The following NT5C2 variants were observed in gnomAD, a reference collection of about 807,000 sequenced individuals.
NT5C2 encodes 5'-nucleotidase, cytosolic II.
A neutral mutation model predicts 76.1 loss-of-function variants in NT5C2; 58 were observed. The ratio of observed to expected loss-of-function variants is 0.76; its 90% CI spans 0.62 to 0.95. The LOEUF is 0.95. NT5C2 is among the 40% of genes least tolerant of loss of function. The pLI is 0.00. For synonymous variants in NT5C2, 229 were observed against 237.4 expected, an observed-to-expected ratio of 0.96 and a Z score of 0.32; for missense variants, 478 against 690.3, an observed-to-expected ratio of 0.69 and a Z score of 3.45.
At chr10:103,093,103 G>A in intron 15 of NT5C2, 36 bp downstream of exon 15, 4 of 1,480,452 alleles carry the variant, frequency 2.7e-6, no homozygotes, top group South Asian at 1.5e-5. Flanking sequence ...TGGTCATTTA[G>A]ATATAAATTA....
rs548288077 is a variant in NT5C2, at chr10:103,159,588, A to G, written c.101+15270T>C. Among the ~76,000 whole-genome samples the G allele has an allele frequency of 4.6e-5, 7 of 151,796 alleles. No individual in the cohort carries two copies. The East Asian group carries it at 1.4e-3, about 29-fold the overall frequency. On this transcript the variant is annotated intron_variant, in intron 3 of 18. Transcript: ENST00000404739. ...CACGTGAAGCCAGGAGTTCAGGGTT[A>G]CAGTGAGCTATGATCATGTCACTGT...
chr10:103,118,564 GGCTGGTCCTGGACTCCTAGGTGCAA>G (rs2074942977), intron 4 of NT5C2, among the ~76,000 whole-genome samples: 1 of 151,946 alleles, frequency 6.6e-6, no homozygotes, highest in East Asian at 1.9e-4. Context: ...ATGTTGCTCA[GGCTGGTCCTGGACTCCTAGGTGCAA>G]GCAATCCATC....
Position 103,143,620 on chromosome 10 carries a change from T to G in NT5C2, c.102-4141A>C, listed in dbSNP as rs1280167574. 8.5e-5 allele frequency among the ~76,000 whole-genome samples: 12 copies of G among 141,222 alleles called. No individual in the cohort carries two copies. In the South Asian group the frequency reaches 1.2e-3, roughly 14 times the overall value. 92.6% of individuals were successfully genotyped at this position (141,222 alleles called of 152,430 possible). ...TCCAGCTATTTTTTTTTTTTTTTTT[T>G]TTTTTTTTTTTTGTAGAGATGGCCT... is the stretch of plus-strand genomic sequence containing the variant. On this transcript the variant is annotated intron_variant, in intron 3 of 18. Transcript: ENST00000404739.
At chr10:103,097,982 C>G in intron 10 of NT5C2, 2 of 516,814 alleles carry the variant, frequency 3.9e-6, no homozygotes, top group Non-Finnish European at 7.8e-6. Context: ...ATTCAGTGTT[C>G]TTTCTTGAAA....
chr10:103,133,730 T>C (rs888988289), intron 4 of NT5C2, among the ~76,000 whole-genome samples: 12 of 152,128 alleles, frequency 7.9e-5, no homozygotes, highest in African/African-American at 2.9e-4. Flanking sequence ...TTAGAACAAT[T>C]TGGAGGGCTC....
intron 3 of NT5C2, chr10:103,146,244 G>A: frequency 1.0e-6 from 1 of 985,306 alleles, no homozygotes. Context: ...ACTTGTCATT[G>A]GATATCACTG....
intron 3 of NT5C2, among the ~76,000 whole-genome samples, chr10:103,159,829 C>A (rs1016771155): frequency 6.6e-6 from 1 of 152,156 alleles, no homozygotes; most frequent in Admixed American, 6.5e-5. Flanking sequence ...GACAGCAATA[C>A]TTCTCAAAGT....
intron 3 of NT5C2, among the ~76,000 whole-genome samples, chr10:103,172,784 G>T (rs1165748326): frequency 6.6e-6 from 1 of 152,184 alleles, no homozygotes; most frequent in Non-Finnish European, 1.5e-5. Flanking sequence ...GCAGTGAGCT[G>T]AGATCGCATC....
At chr10:103,147,421 T>C (rs949079360) in intron 3 of NT5C2, among the ~76,000 whole-genome samples, 1 of 152,356 alleles carries the variant, frequency 6.6e-6, no homozygotes, top group East Asian at 1.9e-4. Context: ...TTATCTCTAA[T>C]TATCAAGACC....
rs753295868 is a variant in NT5C2, at chr10:103,090,609, A to G, written c.1449+2T>C. On this transcript the variant is annotated splice_donor_variant, in intron 18 of 18. Coordinates refer to ENST00000404739, the MANE Select transcript of NT5C2 (RefSeq NM_001351169.2). LOFTEE classifies it high-confidence loss of function. ...TGGCTGTCCATTACAGCTTTAACTC[A>G]CCAAGACATGGGCAGCCCTGAAGAG... The G allele has an allele frequency of 1.9e-6, 3 of 1,612,256 alleles. No individual in the cohort carries two copies. Among genetic ancestry groups the G allele is most frequent in the Non-Finnish European group, 2.5e-6 (3 of 1,179,056 alleles).
chr10:103,163,417 G>A (rs1275622893), intron 3 of NT5C2, among the ~76,000 whole-genome samples: 1 of 152,072 alleles, frequency 6.6e-6, no homozygotes, highest in Admixed American at 6.6e-5. Context: ...AAGTTCCAGT[G>A]GCTCCACATC....
intron 4 of NT5C2, among the ~76,000 whole-genome samples, chr10:103,111,256 T>G (rs1173601619): frequency 6.6e-6 from 1 of 152,178 alleles, no homozygotes. Context: ...GAAGGTACTC[T>G]GGCCTACCCC....
chr10:103,106,257 G>T (rs2071237781), intron 5 of NT5C2, among the ~76,000 whole-genome samples: 1 of 152,180 alleles, frequency 6.6e-6, no homozygotes, highest in Non-Finnish European at 1.5e-5. Flanking sequence ...CATGTTAAGT[G>T]TATTAGAGAA....
At chr10:103,121,978 A>G (rs1364541776) in intron 4 of NT5C2, among the ~76,000 whole-genome samples, 1 of 152,192 alleles carries the variant, frequency 6.6e-6, no homozygotes, top group Non-Finnish European at 1.5e-5. Context: ...GTTCAAGACC[A>G]GCCTGGACCA....
At chr10:103,147,156 C>G (rs1158712296) in intron 3 of NT5C2, among the ~76,000 whole-genome samples, 1 of 152,216 alleles carries the variant, frequency 6.6e-6, no homozygotes, top group East Asian at 1.9e-4. Flanking sequence ...TTGAGAAGCA[C>G]TGTCCTAAAA....
intron 4 of NT5C2, among the ~76,000 whole-genome samples, chr10:103,119,915 A>G (rs2075309020): frequency 6.6e-6 from 1 of 152,134 alleles, no homozygotes; most frequent in Non-Finnish European, 1.5e-5. Context: ...CCTGGGCAAC[A>G]TGGTGAAACC....
At chr10:103,139,828 A>G (rs1402619049) in intron 3 of NT5C2, among the ~76,000 whole-genome samples, 1 of 152,184 alleles carries the variant, frequency 6.6e-6, no homozygotes, top group Non-Finnish European at 1.5e-5. Flanking sequence ...TATAGCCCTC[A>G]TGCTATACAT....
rs530210391 is a variant in NT5C2, at chr10:103,183,639, T to C, written c.-168-2311A>G. Reference sequence around the variant, plus strand: ...CACGCCATATATATATATATACATATACATACACACATACACACACACATA... The same window carrying C: ...CACGCCATATATATATATATACATACACATACACACATACACACACACATA... On this transcript the variant is annotated intron_variant, in intron 1 of 18. Coordinates refer to ENST00000404739, the MANE Select transcript of NT5C2 (RefSeq NM_001351169.2). 1.3e-4 allele frequency among the ~76,000 whole-genome samples: 20 copies of C among 149,426 alleles called. No individual in the cohort carries two copies. The South Asian group carries it at 3.6e-3, about 27-fold the overall frequency.
rs1565201371 is a variant in NT5C2, at chr10:103,153,204, T to C, written c.102-13725A>G. 1.1e-5 allele frequency: 10 copies of C among 949,468 alleles called. No homozygotes were observed. In the East Asian group the frequency reaches 5.1e-4, roughly 48 times the overall value. The allele number at this position is 949,468 out of a possible 1,614,324, so 58.8% of individuals were successfully genotyped here. A position where few individuals can be genotyped will look rare whatever the true frequency, so the allele number is the denominator to read the frequency against. On this transcript the variant is annotated intron_variant, in intron 3 of 18. Transcript: ENST00000404739. ...GCCTCTACCTCCACTCTCGGACTGG[T>C]AGCACTGCTTATTAATCTTTTAATT...
Sources: gnomAD v4.1 joint callset for allele counts (sites outside exome capture counted in the v4.1 genomes callset) on GRCh38, gnomAD v4.1.1 for gene constraint, MANE v1.5 for transcripts, NCBI Gene and HGNC (gene_info 2026-07-23, HGNC 2026-07-21) for gene names.